The following FER1L6 variants were observed in gnomAD, a reference collection of about 807,000 sequenced individuals.
FER1L6 encodes fer-1 like family member 6.
A neutral mutation model predicts 219.2 loss-of-function variants in FER1L6; 177 were observed. That is an observed-to-expected ratio of 0.81 (90% CI 0.71 to 0.91). The LOEUF (loss-of-function observed/expected upper bound fraction) is 0.91. FER1L6 is among the 40% of genes least tolerant of loss of function. The probability of loss-of-function intolerance (pLI) is 0.00; values close to 1 mark genes in which losing one functional copy is unlikely to be tolerated. For synonymous variants in FER1L6, 768 were observed against 824.3 expected, an observed-to-expected ratio of 0.93 and a Z score of 1.17; for missense variants, 2,153 against 2,259.9, an observed-to-expected ratio of 0.95 and a Z score of 0.96.
chr8:123,889,574 AG>A (rs1456205345), intron 1 of FER1L6, among the ~76,000 whole-genome samples: 3 of 152,122 alleles, frequency 2.0e-5, no homozygotes, highest in Non-Finnish European at 4.4e-5. Context: ...AATACAAAAA[AG>A]AAAAAGAATA....
chr8:124,070,664 T>C (rs1821032161), intron 30 of FER1L6, 66 bp downstream of exon 30: 1 of 1,396,112 alleles, frequency 7.2e-7, no homozygotes, highest in Non-Finnish European at 9.7e-7. Flanking sequence ...ATGACTCGAT[T>C]CTGTTAATGG....
intron 19 of FER1L6, chr8:124,036,363 G>GT (rs750609646): frequency 1.3e-5 from 2 of 152,184 alleles, no homozygotes; most frequent in Admixed American, 6.5e-5. Context: ...ATATAAATGC[G>GT]TAAGAGCATT....
rs138295558 is a variant in FER1L6 at position 124,045,994 on chromosome 8, C to A, written c.2724+93C>A. 8.8e-4 allele frequency: 1,297 copies of A among 1,478,048 alleles called. 10 individuals carry two copies. In the African/African-American group the frequency reaches 0.016, roughly 18 times the overall value. The allele number at this position is 1,478,048 out of a possible 1,614,324, so 91.6% of individuals were successfully genotyped here. On this transcript the variant is annotated intron_variant, in intron 21 of 40. Coordinates refer to ENST00000522917, the MANE Select transcript of FER1L6 (RefSeq NM_001039112.2). ...TATTTTAAAGTAAATAAAGTCCTGA[C>A]GCTGTGAGTGGTGAGAACACTAGAT...
At chr8:124,021,817 A>C in intron 17 of FER1L6, 148 bp downstream of exon 17, 1 of 844,776 alleles carries the variant, frequency 1.2e-6, no homozygotes, top group South Asian at 2.1e-5. Flanking sequence ...TTTAGAGAAG[A>C]GATTTTTAAA....
At chr8:124,078,532 A>G (rs1464096224) in intron 32 of FER1L6, among the ~76,000 whole-genome samples, 2 of 152,112 alleles carry the variant, frequency 1.3e-5, no homozygotes, top group African/African-American at 4.8e-5. Context: ...TTTATTCCTC[A>G]CAATTACTGG....
At chr8:123,926,297 T>C (rs1052997741) in intron 1 of FER1L6, among the ~76,000 whole-genome samples, 72 of 152,288 alleles carry the variant, frequency 4.7e-4, no homozygotes, top group African/African-American at 1.6e-3. Context: ...GTTAGTATTA[T>C]GTTTAAGAAT....
At chr8:123,898,273 A>C (rs545013859) in intron 1 of FER1L6, among the ~76,000 whole-genome samples, 2 of 152,248 alleles carry the variant, frequency 1.3e-5, no homozygotes, top group Non-Finnish European at 2.9e-5. Context: ...AAAATTATTT[A>C]AATAAAGTTG....
At chr8:123,902,084 G>A (rs551350129) in intron 1 of FER1L6, among the ~76,000 whole-genome samples, 2 of 152,238 alleles carry the variant, frequency 1.3e-5, no homozygotes, top group South Asian at 4.2e-4. Flanking sequence ...TTTGGGGGCA[G>A]ATTATTTAAT....
intron 21 of FER1L6, among the ~76,000 whole-genome samples, chr8:124,048,440 G>A (rs1460044770): frequency 6.6e-6 from 1 of 152,238 alleles, no homozygotes; most frequent in Non-Finnish European, 1.5e-5. Context: ...CAGAATGACT[G>A]CGCAGCCCCA....
At chr8:124,066,970 T>A (rs1028575896) in intron 27 of FER1L6, among the ~76,000 whole-genome samples, 5 of 152,256 alleles carry the variant, frequency 3.3e-5, no homozygotes, top group Non-Finnish European at 7.4e-5. Flanking sequence ...TGGGAAATTA[T>A]CAAAGGCAGA....
intron 1 of FER1L6, among the ~76,000 whole-genome samples, chr8:123,922,452 C>T (rs1175070595): frequency 6.6e-6 from 1 of 152,228 alleles, no homozygotes; most frequent in Admixed American, 6.5e-5. Flanking sequence ...CGGCCTAAAC[C>T]TGGTCAGAAG....
At chr8:124,083,636 T>G (rs1821672372) in intron 33 of FER1L6, among the ~76,000 whole-genome samples, 1 of 152,152 alleles carries the variant, frequency 6.6e-6, no homozygotes, top group African/African-American at 2.4e-5. Flanking sequence ...TATGTGTCTG[T>G]TGTTGTGCCA....
At chr8:124,011,706 G>A (rs1291665301) in intron 14 of FER1L6, among the ~76,000 whole-genome samples, 1 of 151,070 alleles carries the variant, frequency 6.6e-6, no homozygotes, top group Non-Finnish European at 1.5e-5. Context: ...GGCTGGTCTG[G>A]AATTCCTGGG....
intron 32 of FER1L6, among the ~76,000 whole-genome samples, chr8:124,080,855 C>CTT (rs1821513863): frequency 1.3e-5 from 2 of 152,170 alleles, no homozygotes; most frequent in Non-Finnish European, 1.5e-5. Context: ...GAATGTAAAT[C>CTT]TTGGAGCTCA....
intron 1 of FER1L6, among the ~76,000 whole-genome samples, chr8:123,874,978 T>G (rs1816982059): frequency 6.6e-6 from 1 of 152,102 alleles, no homozygotes; most frequent in Non-Finnish European, 1.5e-5. Flanking sequence ...GGGCAGATCA[T>G]GACGTCAAGA....
At chr8:124,021,430 C>T in intron 16 of FER1L6, 120 bp from the exon 17 acceptor site, 4 of 1,344,650 alleles carry the variant, frequency 3.0e-6, no homozygotes, top group Non-Finnish European at 4.1e-6. Context: ...GACCCTGGAA[C>T]AGTCCACGTG....
chr8:124,054,657 G>T (rs1304633141), intron 22 of FER1L6, among the ~76,000 whole-genome samples: 1 of 152,162 alleles, frequency 6.6e-6, no homozygotes, highest in African/African-American at 2.4e-5. Flanking sequence ...AACTAACTGG[G>T]CAAAGAGCCT....
At chr8:124,051,024 C>T (rs1819996534) in intron 22 of FER1L6, among the ~76,000 whole-genome samples, 1 of 152,114 alleles carries the variant, frequency 6.6e-6, no homozygotes, top group African/African-American at 2.4e-5. Context: ...AACCAGAAGG[C>T]AAGCATTCCT....
intron 18 of FER1L6, among the ~76,000 whole-genome samples, chr8:124,032,075 T>C (rs1344861941): frequency 1.3e-5 from 2 of 152,236 alleles, no homozygotes; most frequent in Non-Finnish European, 2.9e-5. Context: ...CCATTTATTG[T>C]TTAGTAGCAG....
Sources: allele counts gnomAD v4.1 joint callset (sites outside exome capture counted in the v4.1 genomes callset), GRCh38; gene constraint gnomAD v4.1.1; transcripts MANE v1.5; gene names NCBI Gene and HGNC (gene_info 2026-07-23, HGNC 2026-07-21).